Variants in SUSD5 observed in about 807,000 individuals in gnomAD.
SUSD5 encodes the protein sushi domain containing 5, also known as sushi domain-containing protein 5.
A neutral mutation model predicts 29.5 loss-of-function variants in SUSD5; 33 were observed. That is an observed-to-expected ratio of 1.12 (90% CI 0.85 to 1.49). The LOEUF (loss-of-function observed/expected upper bound fraction) is 1.49, where lower values mean the gene tolerates loss of function less well. Ranked by LOEUF, SUSD5 falls within the 40% of genes most tolerant of loss-of-function variation. SUSD5 has a pLI of 0.00. For missense variants in SUSD5, 776 were observed against 800.6 expected (o/e 0.97, Z 0.37); for synonymous variants, 308 against 325.3 (o/e 0.95, Z 0.57).
intron 3 of SUSD5, among the ~76,000 whole-genome samples, chr3:33,180,509 T>G (rs949822919): frequency 6.6e-6 from 1 of 152,120 alleles, no homozygotes; most frequent in Non-Finnish European, 1.5e-5. Flanking sequence ...TATAGGCACA[T>G]GCATCTGTGC....
At position 33,189,478 on chromosome 3, in the gene SUSD5, C is replaced by CAAAAA. The variant is rs71630568; in HGVS notation, c.410-14409_410-14405dup. Among the ~76,000 whole-genome samples, 218 of 91,534 alleles carry CAAAAA rather than the reference C, an allele frequency of 2.4e-3. 3 individuals are homozygous for CAAAAA. The highest frequency in any genetic ancestry group is 0.019 in the South Asian group (46 of 2,430). 60.0% of individuals were successfully genotyped at this position (91,534 alleles called of 152,430 possible). On this transcript the variant is annotated intron_variant, in intron 3 of 4. Transcript: ENST00000309558. ...GTGGGTGGAGCGAGACTCTCCTTCTCAAAAAAAAAAAAAAAAAAAAAAAAA... is the reference window on the plus strand; with the variant it reads ...GTGGGTGGAGCGAGACTCTCCTTCTCAAAAAAAAAAAAAAAAAAAAAAAAAAAAAA...
chr3:33,159,192 G>C (rs2031122009), intron 4 of SUSD5, among the ~76,000 whole-genome samples: 1 of 152,186 alleles, frequency 6.6e-6, no homozygotes, highest in African/African-American at 2.4e-5. Flanking sequence ...TGTCAAGGTG[G>C]GTGGTGAGTC....
intron 1 of SUSD5, among the ~76,000 whole-genome samples, chr3:33,214,946 C>G (rs2032399804): frequency 6.6e-6 from 1 of 152,044 alleles, no homozygotes; most frequent in African/African-American, 2.4e-5. Context: ...CTGTCACCAA[C>G]TTTTTCATAA....
chr3:33,182,860 C>T (rs1192446084), intron 3 of SUSD5, among the ~76,000 whole-genome samples: 1 of 150,618 alleles, frequency 6.6e-6, no homozygotes, highest in African/African-American at 2.4e-5. Context: ...GATCTCGGCT[C>T]ACTGCAAGCT....
intron 4 of SUSD5, among the ~76,000 whole-genome samples, chr3:33,168,857 C>T (rs2031362274): frequency 6.6e-6 from 1 of 152,176 alleles, no homozygotes; most frequent in Non-Finnish European, 1.5e-5. Context: ...GCCATGTTGG[C>T]CAGGCTGGTC....
intron 2 of SUSD5, 56 bp downstream of exon 2, chr3:33,213,872 T>G (rs2032373441): frequency 1.3e-6 from 2 of 1,535,504 alleles, no homozygotes; most frequent in Admixed American, 1.9e-5. Flanking sequence ...GAGTCCTATA[T>G]AAGCCTTGGT....
intron 3 of SUSD5, among the ~76,000 whole-genome samples, chr3:33,177,559 A>G (rs531009096): frequency 1.1e-4 from 17 of 152,030 alleles, no homozygotes; most frequent in Admixed American, 9.2e-4. Context: ...CCCAGGCTGG[A>G]GTGCAGTGGT....
In SUSD5 at chr3:33,156,200, C is replaced by T. The variant is rs544882834; in HGVS notation, c.599-2167G>A. Reference sequence around the variant, plus strand: ...GGATTACAGGTGCACACCACCACACCCAGCTAATTTTGGTATTTTCAGTAG... The same window carrying T: ...GGATTACAGGTGCACACCACCACACTCAGCTAATTTTGGTATTTTCAGTAG... On this transcript the variant is annotated intron_variant, in intron 4 of 4. Coordinates refer to ENST00000309558, the MANE Select transcript of SUSD5 (RefSeq NM_015551.2). Among the ~76,000 whole-genome samples the T allele has an allele frequency of 3.1e-4, 47 of 152,144 alleles. 1 individual carries two copies. In the Middle Eastern group the frequency reaches 0.014, roughly 44 times the overall value.
chr3:33,170,914 A>G (rs1021631644), intron 4 of SUSD5, among the ~76,000 whole-genome samples: 1 of 152,252 alleles, frequency 6.6e-6, no homozygotes, highest in Non-Finnish European at 1.5e-5. Context: ...GGTCTCATTG[A>G]TCAGCACATA....
intron 2 of SUSD5, among the ~76,000 whole-genome samples, chr3:33,208,385 T>C (rs190484615): frequency 1.3e-5 from 2 of 152,298 alleles, no homozygotes; most frequent in East Asian, 1.9e-4. Context: ...TCTAAATATA[T>C]GATAATTTCC....
At chr3:33,169,227 C>CT (rs998615395) in intron 4 of SUSD5, among the ~76,000 whole-genome samples, 10 of 149,298 alleles carry the variant, frequency 6.7e-5, no homozygotes, top group Admixed American at 1.3e-4. Flanking sequence ...TAAATTTATA[C>CT]TTTTTTTTTT....
chr3:33,179,003 G>A (rs1435632908), intron 3 of SUSD5, among the ~76,000 whole-genome samples: 1 of 152,128 alleles, frequency 6.6e-6, no homozygotes, highest in Non-Finnish European at 1.5e-5. Context: ...GAAGGTTGTA[G>A]AGAATTGGCA....
chr3:33,161,104 A>C (rs1455695414), intron 4 of SUSD5, among the ~76,000 whole-genome samples: 1 of 152,216 alleles, frequency 6.6e-6, no homozygotes, highest in Non-Finnish European at 1.5e-5. Flanking sequence ...GGAAGCTCAG[A>C]GATGCAGGAA....
At chr3:33,169,514 CCTGGCCGA>C (rs2031376764) in intron 4 of SUSD5, among the ~76,000 whole-genome samples, 1 of 152,166 alleles carries the variant, frequency 6.6e-6, no homozygotes. Context: ...AGCCACCACG[CCTGGCCGA>C]ATTTATACTT....
intron 3 of SUSD5, among the ~76,000 whole-genome samples, chr3:33,176,099 G>A (rs372148292): frequency 5.3e-5 from 8 of 152,072 alleles, no homozygotes; most frequent in African/African-American, 1.9e-4. Context: ...ATCATAATAC[G>A]TAGCCTTTTC....
At chr3:33,175,563 CTATA>C in intron 3 of SUSD5, among the ~76,000 whole-genome samples, 1 of 150,258 alleles carries the variant, frequency 6.7e-6, no homozygotes, top group Middle Eastern at 3.4e-3. Context: ...CACACACACA[CTATA>C]TATATATATA....
chr3:33,164,116 G>C (rs2031253919), intron 4 of SUSD5, among the ~76,000 whole-genome samples: 1 of 152,178 alleles, frequency 6.6e-6, no homozygotes, highest in South Asian at 2.1e-4. Context: ...GGAGGTTGCA[G>C]TGAGCCAAGA....
chr3:33,176,207 A>G (rs955890088), intron 3 of SUSD5, among the ~76,000 whole-genome samples: 1 of 152,146 alleles, frequency 6.6e-6, no homozygotes, highest in Non-Finnish European at 1.5e-5. Flanking sequence ...ATATTATTCC[A>G]TTGTCTGGAT....
intron 3 of SUSD5, among the ~76,000 whole-genome samples, chr3:33,198,943 G>A (rs1299863965): frequency 2.0e-5 from 3 of 152,110 alleles, no homozygotes; most frequent in African/African-American, 7.2e-5. Flanking sequence ...TGAACATGGT[G>A]CACCCAAAAT....
Sources: gnomAD v4.1 joint callset for allele counts (sites outside exome capture counted in the v4.1 genomes callset) on GRCh38, gnomAD v4.1.1 for gene constraint, MANE v1.5 for transcripts, NCBI Gene and HGNC (gene_info 2026-07-23, HGNC 2026-07-21) for gene names.